FAM53B: variants seen among roughly 807,000 people sequenced by gnomAD.
FAM53B encodes the protein protein FAM53B.
A neutral mutation model predicts 32.7 loss-of-function variants in FAM53B; 12 were observed. That is an observed-to-expected ratio of 0.37 (90% CI 0.24 to 0.59). The LOEUF (loss-of-function observed/expected upper bound fraction) is 0.59, where lower values mean the gene tolerates loss of function less well. FAM53B is among the 20% of genes least tolerant of loss of function. The pLI, the probability that FAM53B is intolerant of heterozygous loss-of-function variation, is 0.72. For synonymous variants in FAM53B, 234 were observed against 228.7 expected, an observed-to-expected ratio of 1.02 and a Z score of -0.21; for missense variants, 477 against 577.7, an observed-to-expected ratio of 0.83 and a Z score of 1.79.
At position 124,620,020 on chromosome 10, in the gene FAM53B, A is replaced by AAGTT. The variant is rs541559528; in HGVS notation, c.*3218_*3221dup. On this transcript the variant is annotated 3_prime_UTR_variant, in exon 5 of 5. Transcript: ENST00000337318. ...CCCCCGCACCAGGAGACCCATTTGG[A>AAGTT]AGTTAGTTAGGGTTTGTTTTGTTTT... 1.0e-3 allele frequency: 156 copies of AAGTT among 152,466 alleles called. No homozygotes were observed. Among genetic ancestry groups the AAGTT allele is most frequent in the Middle Eastern group, 0.01 (3 of 298 alleles). The allele number at this position is 152,466 out of a possible 1,614,324, so 9.4% of individuals were successfully genotyped here. A position where few individuals can be genotyped will look rare whatever the true frequency, so the allele number is the denominator to read the frequency against.
chr10:124,740,781 C>A (rs1950195092), intron 1 of FAM53B, among the ~76,000 whole-genome samples: 1 of 152,220 alleles, frequency 6.6e-6, no homozygotes, highest in African/African-American at 2.4e-5. Flanking sequence ...AATCAACACT[C>A]CTCCCAGCAC....
intron 1 of FAM53B, among the ~76,000 whole-genome samples, chr10:124,742,155 G>C (rs770396300): frequency 6.6e-6 from 1 of 152,202 alleles, no homozygotes; most frequent in Non-Finnish European, 1.5e-5. Context: ...GCGCCTGGAA[G>C]CTGGATCGGC....
intron 4 of FAM53B, among the ~76,000 whole-genome samples, chr10:124,637,480 C>T (rs1414041846): frequency 5.3e-5 from 8 of 152,108 alleles, no homozygotes; most frequent in African/African-American, 1.4e-4. Flanking sequence ...AACTTGCGAC[C>T]GGGCACCAAA....
At chr10:124,675,680 T>C (rs1179591707) in intron 4 of FAM53B, among the ~76,000 whole-genome samples, 1 of 152,222 alleles carries the variant, frequency 6.6e-6, no homozygotes, top group Non-Finnish European at 1.5e-5. Context: ...CACTTCTCAC[T>C]GCCACACTCT....
intron 4 of FAM53B, among the ~76,000 whole-genome samples, chr10:124,666,388 C>T (rs1949672924): frequency 6.6e-6 from 1 of 152,256 alleles, no homozygotes; most frequent in Admixed American, 6.5e-5. Context: ...CACTCACTTC[C>T]AGAGTGCTGG....
At chr10:124,725,883 G>A (rs869303) in intron 1 of FAM53B, among the ~76,000 whole-genome samples, 29,889 of 152,116 alleles carry the variant, frequency 0.2, 3,410 homozygotes, top group Non-Finnish European at 0.25. Flanking sequence ...AAGGAAAGAC[G>A]AGCCTCATAT....
chr10:124,714,762 A>C (rs1950028994), intron 1 of FAM53B, among the ~76,000 whole-genome samples: 1 of 150,056 alleles, frequency 6.7e-6, no homozygotes, highest in Non-Finnish European at 1.5e-5. Flanking sequence ...CCACCTCAAA[A>C]AAAAAAAAAA....
In FAM53B at chr10:124,733,225, C is replaced by T. The variant is rs909623428; in HGVS notation, c.-175+10788G>A. On this transcript the variant is annotated intron_variant, in intron 1 of 4. Transcript: ENST00000337318. This position sits in a 1 kb window ranked among gnomAD's most constrained non-coding sequence, Gnocchi z 4.3. ...AGATGGGCTGCTAACTGCAGTTCCG[C>T]CTCCACCTCTGCACAGGTTCAGTAT... Among the ~76,000 whole-genome samples the T allele has an allele frequency of 3.9e-5, 6 of 152,216 alleles. No individual in the cohort carries two copies. Among genetic ancestry groups the T allele is most frequent in the African/African-American group, 9.7e-5 (4 of 41,450 alleles).
intron 1 of FAM53B, among the ~76,000 whole-genome samples, chr10:124,723,152 G>GC (rs1950079927): frequency 6.6e-6 from 1 of 152,232 alleles, no homozygotes; most frequent in South Asian, 2.1e-4. Context: ...AAATGAACCA[G>GC]CAAGCTGCCA....
chr10:124,744,201 C>G lies in FAM53B; in HGVS notation c.-363G>C, dbSNP rs1466509721. On this transcript the variant is annotated 5_prime_UTR_variant, in exon 1 of 5. Coordinates refer to ENST00000337318, the MANE Select transcript of FAM53B (RefSeq NM_014661.4). Reference sequence around the variant, plus strand: ...TTCCTGAAGTGTTTGCAACTCGTCCCTTTAACCGGCACCGGCCAGGCCGCC... The same window carrying G: ...TTCCTGAAGTGTTTGCAACTCGTCCGTTTAACCGGCACCGGCCAGGCCGCC... 6.8e-6 allele frequency: 1 copy of G among 147,156 alleles called. No homozygotes were observed. The highest frequency in any genetic ancestry group is 1.5e-5 in the Non-Finnish European group (1 of 66,082). 9.1% of individuals were successfully genotyped at this position (147,156 alleles called of 1,614,324 possible). A position where few individuals can be genotyped will look rare whatever the true frequency, so the allele number is the denominator to read the frequency against.
chr10:124,620,851 C>A lies in FAM53B; in HGVS notation c.*2391G>T, dbSNP rs1012745670. On this transcript the variant is annotated 3_prime_UTR_variant, in exon 5 of 5. Coordinates refer to ENST00000337318, the MANE Select transcript of FAM53B (RefSeq NM_014661.4). ...GCGTGGTGGGCACAGGACAGGCAGG[C>A]GGGGTCTGAGGAGGCTGGGTCATTT... 6.6e-6 allele frequency: 1 copy of A among 152,366 alleles called. No individual in the cohort carries two copies. The highest frequency in any genetic ancestry group is 1.9e-4 in the East Asian group (1 of 5,200). The allele number at this position is 152,366 out of a possible 1,614,324, so 9.4% of individuals were successfully genotyped here.
At chr10:124,699,705 C>T (rs1002007293) in intron 2 of FAM53B, among the ~76,000 whole-genome samples, 1 of 152,236 alleles carries the variant, frequency 6.6e-6, no homozygotes, top group Non-Finnish European at 1.5e-5. Flanking sequence ...GGACTGTCAA[C>T]CAAGGTGCCT....
chr10:124,674,734 C>A (rs977804814), intron 4 of FAM53B, among the ~76,000 whole-genome samples: 1 of 152,266 alleles, frequency 6.6e-6, no homozygotes, highest in Non-Finnish European at 1.5e-5. Context: ...GCAAGACTGG[C>A]GATGTCCTCA....
chr10:124,632,987 G>C (rs1949401321), intron 4 of FAM53B, among the ~76,000 whole-genome samples: 1 of 152,116 alleles, frequency 6.6e-6, no homozygotes, highest in Non-Finnish European at 1.5e-5. Context: ...GCTAATAAGA[G>C]CCTCAAAGCC....
intron 4 of FAM53B, among the ~76,000 whole-genome samples, chr10:124,638,287 A>G (rs186574035): frequency 1.3e-5 from 2 of 152,184 alleles, no homozygotes; most frequent in African/African-American, 4.8e-5. Flanking sequence ...GGAAAATGGC[A>G]TGAACCTGGG....
chr10:124,686,236 A>G (rs1156962136), intron 3 of FAM53B, among the ~76,000 whole-genome samples: 1 of 152,236 alleles, frequency 6.6e-6, no homozygotes, highest in African/African-American at 2.4e-5. Flanking sequence ...GAAAGGCTGG[A>G]AGTCCAGCTT....
At chr10:124,653,745 G>A (rs1271491718) in intron 4 of FAM53B, among the ~76,000 whole-genome samples, 2 of 152,236 alleles carry the variant, frequency 1.3e-5, no homozygotes, top group Non-Finnish European at 2.9e-5. Context: ...GAGGGATCCT[G>A]TGAGGAAGAA....
At chr10:124,737,101 T>C (rs950135345) in intron 1 of FAM53B, among the ~76,000 whole-genome samples, 1 of 152,196 alleles carries the variant, frequency 6.6e-6, no homozygotes, top group African/African-American at 2.4e-5. Flanking sequence ...GAGGATTAAA[T>C]GAACTAATGA....
chr10:124,710,313 C>T (rs1949992350), intron 1 of FAM53B, among the ~76,000 whole-genome samples: 1 of 152,226 alleles, frequency 6.6e-6, no homozygotes, highest in Non-Finnish European at 1.5e-5. Context: ...GCAACACCTA[C>T]CACGATCCCT....
Sources: gnomAD v4.1 joint callset for allele counts (sites outside exome capture counted in the v4.1 genomes callset) on GRCh38, gnomAD v4.1.1 for gene constraint, Gnocchi (gnomAD v3.1) non-coding constraint, MANE v1.5 for transcripts, NCBI Gene and HGNC (gene_info 2026-07-23, HGNC 2026-07-21) for gene names.